RERE: variants seen among roughly 807,000 people sequenced by gnomAD.
RERE encodes the protein arginine-glutamic acid dipeptide repeats.
Under a neutral mutation model 146.1 loss-of-function variants are expected in RERE, and 40 were observed. The ratio of observed to expected loss-of-function variants is 0.27; its 90% CI spans 0.21 to 0.36. The LOEUF is 0.36. Among genes scored for constraint, RERE ranks in the 10% least tolerant of loss-of-function variants. RERE has a pLI of 1.00. For synonymous variants in RERE, 1,003 were observed against 866.0 expected, an observed-to-expected ratio of 1.16 and a Z score of -2.78; for missense variants, 1,933 against 2,138.7, an observed-to-expected ratio of 0.90 and a Z score of 1.90.
chr1:8,416,129 A>G (rs58701523), intron 12 of RERE, among the ~76,000 whole-genome samples: 2,282 of 152,282 alleles, frequency 0.015, 60 homozygotes, highest in African/African-American at 0.052. Flanking sequence ...CTTCCACATA[A>G]AAAGGCTTAT....
At chr1:8,709,794 A>G (rs940611107) in intron 1 of RERE, among the ~76,000 whole-genome samples, 10 of 152,176 alleles carry the variant, frequency 6.6e-5, no homozygotes, top group Non-Finnish European at 1.5e-4. Context: ...TTCTTTGTGC[A>G]TACATGTATT....
intron 3 of RERE, among the ~76,000 whole-genome samples, chr1:8,615,955 A>C (rs1163516172): frequency 1.3e-5 from 2 of 152,186 alleles, no homozygotes; most frequent in Non-Finnish European, 2.9e-5. Flanking sequence ...TCATGGCCTC[A>C]GTGATAGTAT....
At chr1:8,680,741 C>T (rs1322749813) in intron 1 of RERE, among the ~76,000 whole-genome samples, 3 of 152,142 alleles carry the variant, frequency 2.0e-5, no homozygotes, top group East Asian at 3.8e-4. Context: ...AAGAATTGTA[C>T]CTCCTCAACT....
chr1:8,521,043 G>A (rs993062163), intron 7 of RERE, among the ~76,000 whole-genome samples: 3 of 151,836 alleles, frequency 2.0e-5, no homozygotes, highest in Non-Finnish European at 4.4e-5. Context: ...GAATATAGAA[G>A]GAAGAGAACA....
intron 7 of RERE, among the ~76,000 whole-genome samples, chr1:8,525,393 A>G (rs1286004006): frequency 6.6e-6 from 1 of 152,212 alleles, no homozygotes; most frequent in Non-Finnish European, 1.5e-5. Context: ...TACTAGCCAC[A>G]AGGCAAGGGG....
At chr1:8,497,638 C>T in intron 8 of RERE, 109 bp from the exon 9 acceptor site, 3 of 1,126,210 alleles carry the variant, frequency 2.7e-6, no homozygotes, top group Non-Finnish European at 3.9e-6. Context: ...GAGACTCTTT[C>T]CTTGGACAGC....
intron 1 of RERE, among the ~76,000 whole-genome samples, chr1:8,724,263 G>A (rs1245993309): frequency 2.0e-5 from 3 of 150,804 alleles, no homozygotes; most frequent in African/African-American, 7.5e-5. Context: ...TTGGGTTTCT[G>A]GCTCAGGGGT....
intron 1 of RERE, chr1:8,799,478 A>T: frequency 4.9e-6 from 1 of 202,264 alleles, no homozygotes; most frequent in South Asian, 9.4e-5. Flanking sequence ...GTCAAGAACA[A>T]GTGGTTCTTC....
chr1:8,750,543 A>G, intron 1 of RERE: 1 of 1,018,332 alleles, frequency 9.8e-7, no homozygotes, highest in Admixed American at 1.7e-5. Flanking sequence ...AAGTCTGCCC[A>G]AAACATGCTT....
chr1:8,354,949 A>C lies in RERE; in HGVS notation c.*138T>G. 1.4e-6 allele frequency: 1 copy of C among 703,480 alleles called. No homozygotes were observed. Among genetic ancestry groups the C allele is most frequent in the Non-Finnish European group, 2.4e-6 (1 of 418,528 alleles). 43.6% of individuals were successfully genotyped at this position (703,480 alleles called of 1,614,324 possible). On this transcript the variant is annotated 3_prime_UTR_variant, in exon 23 of 23. Transcript: ENST00000400908. Reference sequence around the variant, plus strand: ...AACACTACTATGTGGATACATTTTTAGTTGTGGGTTTTTAAATATATAAAG... The same window carrying C: ...AACACTACTATGTGGATACATTTTTCGTTGTGGGTTTTTAAATATATAAAG...
At chr1:8,777,928 T>C (rs914566170) in intron 1 of RERE, among the ~76,000 whole-genome samples, 1 of 151,994 alleles carries the variant, frequency 6.6e-6, no homozygotes, top group Non-Finnish European at 1.5e-5. Flanking sequence ...AGACCTCAAT[T>C]TGAAGGCCAA....
intron 10 of RERE, among the ~76,000 whole-genome samples, chr1:8,485,815 T>A (rs1570318181): frequency 9.6e-6 from 1 of 104,332 alleles, no homozygotes; most frequent in South Asian, 2.9e-4. Flanking sequence ...TTTTTTTTTT[T>A]TGGAGATGGA....
intron 1 of RERE, among the ~76,000 whole-genome samples, chr1:8,734,852 T>C (rs958854158): frequency 6.6e-5 from 10 of 152,300 alleles, no homozygotes; most frequent in African/African-American, 2.2e-4. Flanking sequence ...CTGTCTGGAA[T>C]GGCCTTCCTT....
chr1:8,572,469 G>A (rs1303961600), intron 4 of RERE, among the ~76,000 whole-genome samples: 7 of 152,094 alleles, frequency 4.6e-5, no homozygotes, highest in African/African-American at 1.4e-4. Context: ...TCAAGTAATC[G>A]GCTAGATAAA....
rs748334794 is a variant in RERE, at chr1:8,556,480, G to A, written c.720C>T (p.Ala240=). 1.3e-6 allele frequency: 2 copies of A among 1,587,658 alleles called. No homozygotes were observed. Among genetic ancestry groups the A allele is most frequent in the Non-Finnish European group, 1.7e-6 (2 of 1,156,086 alleles). The part of the protein sequence containing the change: ...SDYVDTYHAA[A]LRGKCNISHF... ...AGCACGTCTCCAGTACTTACCTAAG[G>A]GCAGCAGCATGGTAAGTGTCAACGT... is the stretch of plus-strand genomic sequence containing the variant. Residue 240 remains alanine (A), a synonymous_variant, in exon 6 of 23, where the codon GCC becomes GCT. Transcript: ENST00000400908.
intron 4 of RERE, chr1:8,590,678 T>A (rs1026598003): frequency 3.3e-5 from 5 of 152,234 alleles, no homozygotes; most frequent in Non-Finnish European, 7.3e-5. Flanking sequence ...CCTGAAATTT[T>A]AAAAATCTTA....
At chr1:8,668,119 T>C (rs112805052) in intron 1 of RERE, among the ~76,000 whole-genome samples, 1 of 152,264 alleles carries the variant, frequency 6.6e-6, no homozygotes, top group Non-Finnish European at 1.5e-5. Flanking sequence ...GGGTTAAGCA[T>C]CTGTGTTGCT....
intron 12 of RERE, among the ~76,000 whole-genome samples, chr1:8,406,893 G>A (rs1219002134): frequency 6.6e-6 from 1 of 152,134 alleles, no homozygotes; most frequent in Non-Finnish European, 1.5e-5. Flanking sequence ...ACAACTTTGT[G>A]GAGGGTGAAA....
At position 8,523,300 on chromosome 1, in the gene RERE, T is replaced by C. The variant is rs77783633; in HGVS notation, c.831-14625A>G. ...AAACTTATGTTGACAGAGGAACGCT[T>C]TAAATGTGAGGCTCCCTCAGATTCG... On this transcript the variant is annotated intron_variant, in intron 7 of 22. Transcript: ENST00000400908. Among the ~76,000 whole-genome samples, 255 of 152,326 alleles carry C rather than the reference T, an allele frequency of 1.7e-3. 1 individual carries two copies. Among genetic ancestry groups the C allele is most frequent in the African/African-American group, 5.9e-3 (246 of 41,576 alleles).
Sources: gnomAD v4.1 joint callset for allele counts (sites outside exome capture counted in the v4.1 genomes callset) on GRCh38, gnomAD v4.1.1 for gene constraint, MANE v1.5 for transcripts, NCBI Gene and HGNC (gene_info 2026-07-23, HGNC 2026-07-21) for gene names.